Variants in TFEC observed in about 807,000 individuals in gnomAD.
TFEC encodes transcription factor EC.
In TFEC, 31 loss-of-function variants were observed where a neutral mutation model predicts 41.6. That is an observed-to-expected ratio of 0.74 (90% CI 0.56 to 1.01). The LOEUF (loss-of-function observed/expected upper bound fraction) is 1.01, where lower values mean the gene tolerates loss of function less well. TFEC is among the 50% of genes least tolerant of loss of function. The pLI is 0.00. For missense variants in TFEC, 402 were observed against 404.1 expected (o/e 0.99, Z 0.04); for synonymous variants, 143 against 140.6 (o/e 1.02, Z -0.12).
chr7:115,954,630 C>G lies in TFEC; in HGVS notation c.395G>C (p.Arg132Thr). The change falls in exon 5 of 8, where the codon AGA (arginine) becomes ACA (threonine). Residue 132 changes from arginine (R) to threonine (T), a missense_variant. Physicochemically the swap from Arg to Thr is moderately conservative, Grantham distance 71 (BLOSUM62 -1). Coordinates refer to ENST00000265440, the MANE Select transcript of TFEC (RefSeq NM_012252.4). ...TTTTTGTCTCTCTTTTGCTAAAGCT[C>G]TAGTGTCAGTTTCTGATCAAAAGAA... ...MKREITETDTRALAKERQKKD... is the reference protein window; with the variant it reads ...MKREITETDTTALAKERQKKD... 1.2e-6 allele frequency: 2 copies of G among 1,611,492 alleles called. No individual in the cohort carries two copies.
intron 1 of TFEC, among the ~76,000 whole-genome samples, chr7:116,015,956 G>T (rs1795173011): frequency 6.6e-6 from 1 of 152,148 alleles, no homozygotes; most frequent in Admixed American, 6.5e-5. Flanking sequence ...CTGCATCAGG[G>T]TTTTAGATAA....
rs1424797919 is a variant in TFEC at position 115,991,607 on chromosome 7, A to G, written c.-72-7094T>C. Among the ~76,000 whole-genome samples, 3 of 152,246 alleles carry G rather than the reference A, an allele frequency of 2.0e-5. No individual in the cohort carries two copies. In the East Asian group the frequency reaches 5.8e-4, roughly 29 times the overall value. On this transcript the variant is annotated intron_variant, in intron 1 of 7. Transcript: ENST00000265440. ...TCTGATAAACAGACTTTAAACCAACAAAGATCAAAAGAGACAAAGAAGGCC... is the reference window on the plus strand; with the variant it reads ...TCTGATAAACAGACTTTAAACCAACGAAGATCAAAAGAGACAAAGAAGGCC...
At chr7:115,994,325 G>A (rs941348879) in intron 1 of TFEC, among the ~76,000 whole-genome samples, 1 of 151,972 alleles carries the variant, frequency 6.6e-6, no homozygotes, top group African/African-American at 2.4e-5. Context: ...AACACCAAAA[G>A]CAATGGCAAC....
intron 3 of TFEC, among the ~76,000 whole-genome samples, chr7:116,075,313 G>T (rs1796932017): frequency 6.6e-6 from 1 of 152,188 alleles, no homozygotes; most frequent in Non-Finnish European, 1.5e-5. Flanking sequence ...ACAGAGCAGT[G>T]TGTGGAGACT....
rs912319130 is a variant in TFEC, at chr7:116,127,569, A to AT, written c.-68-15532dup. Among the ~76,000 whole-genome samples the AT allele has an allele frequency of 2.0e-5, 3 of 151,020 alleles. No individual in the cohort carries two copies. The South Asian group carries it at 6.3e-4, about 32-fold the overall frequency. ...TTTCTAACAAATCCCTATTTGTTCT[A>AT]TTTTTTTCTTTACCTTCAAGTACTC... On this transcript the variant is annotated intron_variant, in intron 1 of 8. Transcript: ENST00000484212.
chr7:115,968,704 C>G (rs1400765489), intron 3 of TFEC, among the ~76,000 whole-genome samples: 1 of 151,838 alleles, frequency 6.6e-6, no homozygotes, highest in African/African-American at 2.4e-5. Context: ...CCCTTCAAAT[C>G]ATAGGATTCT....
intron 3 of TFEC, among the ~76,000 whole-genome samples, chr7:116,068,190 ATTT>A (rs1435772388): frequency 6.6e-6 from 1 of 151,730 alleles, no homozygotes; most frequent in Non-Finnish European, 1.5e-5. Context: ...GTTTTTTTGT[ATTT>A]TTGTCGGGGG....
chr7:116,073,607 T>G (rs1234884186), intron 3 of TFEC, among the ~76,000 whole-genome samples: 2 of 151,764 alleles, frequency 1.3e-5, no homozygotes, highest in Admixed American at 6.6e-5. Context: ...TTTGAGAAAG[T>G]TTTTTTGCAT....
At chr7:116,021,563 T>C (rs76856105) in intron 1 of TFEC, among the ~76,000 whole-genome samples, 13,538 of 152,268 alleles carry the variant, frequency 0.089, 809 homozygotes, top group Non-Finnish European at 0.14. Context: ...CTTCTCTCAC[T>C]GGTCCCAAGA....
At chr7:116,154,483 A>G (rs1056514136) in intron 1 of TFEC, among the ~76,000 whole-genome samples, 3 of 152,120 alleles carry the variant, frequency 2.0e-5, no homozygotes, top group Non-Finnish European at 4.4e-5. Flanking sequence ...TCATTCAGGT[A>G]TATTTTTATT....
chr7:116,144,154 T>G (rs960545174), intron 1 of TFEC, among the ~76,000 whole-genome samples: 1 of 151,616 alleles, frequency 6.6e-6, no homozygotes, highest in Non-Finnish European at 1.5e-5. Context: ...GAGTCAGAGG[T>G]TGCAGTGAGC....
rs1001292287 is a variant in TFEC at position 116,037,364 on chromosome 7, T to C, written c.199-52851A>G. Among the ~76,000 whole-genome samples, 64 of 152,078 alleles carry C rather than the reference T, an allele frequency of 4.2e-4. 1 individual carries two copies. Among genetic ancestry groups the C allele is most frequent in the African/African-American group, 1.5e-3 (61 of 41,524 alleles). ...TCTAAGGCAAAGGAAAATATCTATGTCTCCTAAGAAATTTAGAAATAAAGT... is the reference window on the plus strand; with the variant it reads ...TCTAAGGCAAAGGAAAATATCTATGCCTCCTAAGAAATTTAGAAATAAAGT... On this transcript the variant is annotated intron_variant, in intron 3 of 8. Coordinates refer to the TFEC transcript ENST00000484212.
intron 3 of TFEC, 62 bp from the exon 4 acceptor site, chr7:115,956,855 T>C: frequency 2.1e-6 from 2 of 963,088 alleles, no homozygotes; most frequent in Non-Finnish European, 2.9e-6. Context: ...ATATATTTAG[T>C]TATATATATT....
chr7:116,132,011 C>T (rs371387303), intron 1 of TFEC, among the ~76,000 whole-genome samples: 1 of 152,214 alleles, frequency 6.6e-6, no homozygotes, highest in South Asian at 2.1e-4. Context: ...TTATGCTTCA[C>T]TTTATGCTCC....
chr7:116,155,100 T>TC (rs1350054107), intron 1 of TFEC, among the ~76,000 whole-genome samples: 1 of 147,842 alleles, frequency 6.8e-6, no homozygotes, highest in Non-Finnish European at 1.5e-5. Context: ...ACCAATTCTC[T>TC]CTATTAGATT....
rs141484988 is a variant in TFEC, at chr7:115,997,175, T to C, written c.-72-12662A>G. 8.5e-5 allele frequency among the ~76,000 whole-genome samples: 13 copies of C among 152,216 alleles called. No homozygotes were observed. In the East Asian group the frequency reaches 1.6e-3, roughly 18 times the overall value. ...TCAGTTCTGACACAGCATAGTCCCA[T>C]TGGAGGTGGCCAGAGGGGTGCTTGT... is the stretch of plus-strand genomic sequence containing the variant. On this transcript the variant is annotated intron_variant, in intron 1 of 7. Transcript: ENST00000265440.
intron 3 of TFEC, among the ~76,000 whole-genome samples, chr7:115,968,016 TC>T (rs1258973213): frequency 6.6e-6 from 1 of 151,778 alleles, no homozygotes; most frequent in African/African-American, 2.4e-5. Context: ...CTAAAAATAA[TC>T]TTGTAAGTAA....
intron 1 of TFEC, among the ~76,000 whole-genome samples, chr7:115,991,507 C>T (rs1794110675): frequency 6.6e-6 from 1 of 151,816 alleles, no homozygotes; most frequent in Non-Finnish European, 1.5e-5. Context: ...CACACATAGG[C>T]TCAAAATAAA....
At chr7:115,970,758 C>T (rs1793097224) in intron 3 of TFEC, among the ~76,000 whole-genome samples, 2 of 151,836 alleles carry the variant, frequency 1.3e-5, no homozygotes, top group Admixed American at 1.3e-4. Flanking sequence ...CAACTTCTCC[C>T]CTCTCTCTTG....
Sources: gnomAD v4.1 joint callset for allele counts (sites outside exome capture counted in the v4.1 genomes callset) on GRCh38, gnomAD v4.1.1 for gene constraint, MANE v1.5 for transcripts, NCBI Gene and HGNC (gene_info 2026-07-23, HGNC 2026-07-21) for gene names.